Variants in AFG2A observed in about 807,000 individuals in gnomAD.
AFG2A encodes ATPase family gene 2 protein homolog A.
At chr4:122,946,878 TA>T in the AFG2A span, among the ~76,000 whole-genome samples, 1 of 152,054 alleles carries the variant, frequency 6.6e-6, no homozygotes, top group East Asian at 1.9e-4. Flanking sequence ...TTAAAACAAT[TA>T]AAACAATTAT....
At chr4:123,006,898 A>T in the AFG2A span, among the ~76,000 whole-genome samples, 9 of 112,594 alleles carry the variant, frequency 8.0e-5, no homozygotes, top group South Asian at 7.2e-4. Flanking sequence ...CATGCTTGTT[A>T]TTTTTTTTTT....
the AFG2A span, among the ~76,000 whole-genome samples, chr4:123,194,393 T>C: frequency 1.3e-5 from 2 of 152,160 alleles, no homozygotes; most frequent in African/African-American, 2.4e-5. Flanking sequence ...TTCAAAGCCA[T>C]GTTGGGCCCA....
At chr4:123,266,087 G>A in the AFG2A span, among the ~76,000 whole-genome samples, 1 of 151,928 alleles carries the variant, frequency 6.6e-6, no homozygotes, top group Non-Finnish European at 1.5e-5. Flanking sequence ...AGTTATTTTT[G>A]TTTGGTTATT....
the AFG2A span, chr4:122,938,276 G>A: frequency 4.6e-6 from 7 of 1,509,332 alleles, no homozygotes; most frequent in Admixed American, 6.5e-5. Flanking sequence ...TATTGATTCT[G>A]TGTAGGGTTA....
At chr4:123,044,256 G>A in the AFG2A span, among the ~76,000 whole-genome samples, 1 of 152,134 alleles carries the variant, frequency 6.6e-6, no homozygotes, top group Non-Finnish European at 1.5e-5. Context: ...CAATTGCGGT[G>A]GCTCTGGTGG....
At chr4:123,218,360 T>C in the AFG2A span, among the ~76,000 whole-genome samples, 1 of 152,180 alleles carries the variant, frequency 6.6e-6, no homozygotes, top group Non-Finnish European at 1.5e-5. Flanking sequence ...GAGAGGTTTT[T>C]GTTAGAGTGT....
chr4:122,945,550 C>T, the AFG2A span, among the ~76,000 whole-genome samples: 1 of 152,210 alleles, frequency 6.6e-6, no homozygotes, highest in South Asian at 2.1e-4. Flanking sequence ...TGTCTGTCAC[C>T]CCTTTCCTTG....
chr4:123,186,255 C>A, the AFG2A span, among the ~76,000 whole-genome samples: 1 of 152,008 alleles, frequency 6.6e-6, no homozygotes, highest in Non-Finnish European at 1.5e-5. Flanking sequence ...TTTCTGTTTT[C>A]GTTTACAACT....
At chr4:123,050,561 T>A in the AFG2A span, among the ~76,000 whole-genome samples, 9 of 152,164 alleles carry the variant, frequency 5.9e-5, no homozygotes, top group African/African-American at 2.2e-4. Context: ...ATAATGACTT[T>A]CTTTGTCTCT....
the AFG2A span, among the ~76,000 whole-genome samples, chr4:123,194,975 T>A: frequency 1.3e-5 from 2 of 152,200 alleles, no homozygotes; most frequent in Non-Finnish European, 2.9e-5. Context: ...CAAGTCACTT[T>A]ATATCTTCCT....
chr4:122,933,925 A>G, the AFG2A span, among the ~76,000 whole-genome samples: 1 of 152,342 alleles, frequency 6.6e-6, no homozygotes, highest in Non-Finnish European at 1.5e-5. Flanking sequence ...TTCTGTCTCC[A>G]GATGGTGTTA....
At chr4:122,950,028 G>T in the AFG2A span, among the ~76,000 whole-genome samples, 1 of 152,316 alleles carries the variant, frequency 6.6e-6, no homozygotes, top group Admixed American at 6.5e-5. Context: ...TCCCAGGTTG[G>T]GGGCAAAGGT....
At chr4:122,969,135 A>C in the AFG2A span, among the ~76,000 whole-genome samples, 2 of 151,484 alleles carry the variant, frequency 1.3e-5, no homozygotes. Flanking sequence ...TATAATATAT[A>C]TTGATATAAA....
At chr4:123,069,754 C>A in the AFG2A span, among the ~76,000 whole-genome samples, 2 of 151,998 alleles carry the variant, frequency 1.3e-5, no homozygotes, top group Non-Finnish European at 2.9e-5. Context: ...AAATAAATAA[C>A]TACTTGAGGA....
At chr4:123,049,712 T>G in the AFG2A span, among the ~76,000 whole-genome samples, 1 of 152,082 alleles carries the variant, frequency 6.6e-6, no homozygotes, top group South Asian at 2.1e-4. Flanking sequence ...TTTATTTAGG[T>G]GTTCTTTTTT....
chr4:123,136,563 A>G, the AFG2A span, among the ~76,000 whole-genome samples: 1 of 151,720 alleles, frequency 6.6e-6, no homozygotes, highest in Admixed American at 6.6e-5. Context: ...AGTCCCAGCT[A>G]CCTGGGAGGC....
the AFG2A span, among the ~76,000 whole-genome samples, chr4:123,258,040 G>A: frequency 2.0e-5 from 3 of 152,162 alleles, no homozygotes; most frequent in African/African-American, 4.8e-5. Context: ...TCTGAAAATC[G>A]TCACAGGAAA....
At chr4:123,241,646 C>T in the AFG2A span, among the ~76,000 whole-genome samples, 4 of 152,242 alleles carry the variant, frequency 2.6e-5, no homozygotes, top group African/African-American at 7.2e-5. Context: ...ATAATAAGAG[C>T]TATTTATGAC....
At chr4:123,300,530 G>T in the AFG2A span, among the ~76,000 whole-genome samples, 1 of 152,068 alleles carries the variant, frequency 6.6e-6, no homozygotes, top group Non-Finnish European at 1.5e-5. Flanking sequence ...ATATAATTTT[G>T]CAGATAAGGA....
Sources: allele counts gnomAD v4.1 joint callset (sites outside exome capture counted in the v4.1 genomes callset), GRCh38; gene constraint gnomAD v4.1.1; transcripts MANE v1.5; gene names NCBI Gene and HGNC (gene_info 2026-07-23, HGNC 2026-07-21).